Variants in MGST1 observed in about 807,000 individuals in gnomAD.
MGST1 encodes the protein microsomal glutathione S-transferase 1.
A neutral mutation model predicts 8.9 loss-of-function variants in MGST1; 5 were observed. The observed-to-expected ratio is 0.56, with a 90% CI of 0.29 to 1.19. The LOEUF (loss-of-function observed/expected upper bound fraction) is 1.19, where lower values mean the gene tolerates loss of function less well. MGST1 is among the 50% of genes most tolerant of loss of function. The pLI, the probability that MGST1 is intolerant of heterozygous loss-of-function variation, is 0.08. For missense variants in MGST1, 182 were observed against 187.4 expected (o/e 0.97, Z 0.17); for synonymous variants, 54 against 67.8 (o/e 0.80, Z 1.00).
chr12:16,561,246 G>C (rs1942394730), intron 4 of MGST1, among the ~76,000 whole-genome samples: 1 of 152,080 alleles, frequency 6.6e-6, no homozygotes, highest in South Asian at 2.1e-4. Flanking sequence ...TGACCTAAAA[G>C]AAGTACAAAA....
chr12:16,418,667 A>T (rs563384701), intron 1 of MGST1, among the ~76,000 whole-genome samples: 1 of 152,246 alleles, frequency 6.6e-6, no homozygotes, highest in South Asian at 2.1e-4. Context: ...CTGTGTTTAA[A>T]TCCCACCTTT....
intron 1 of MGST1, among the ~76,000 whole-genome samples, chr12:16,419,546 G>A (rs553165567): frequency 1.3e-5 from 2 of 152,288 alleles, no homozygotes; most frequent in African/African-American, 4.8e-5. Context: ...CTATCTGTAA[G>A]ATACTGTAGG....
At chr12:16,382,486 C>T (rs1364928170), upstream of MGST1, among the ~76,000 whole-genome samples, 3 of 152,112 alleles carry the variant, frequency 2.0e-5, no homozygotes, top group Non-Finnish European at 4.4e-5. Flanking sequence ...GCTGCCTGAT[C>T]GTTCCTCTGG....
At chr12:16,520,159 C>G (rs752583478) in intron 4 of MGST1, among the ~76,000 whole-genome samples, 26 of 152,084 alleles carry the variant, frequency 1.7e-4, no homozygotes, top group Non-Finnish European at 1.8e-4. Context: ...AAAATAGACC[C>G]TTTATTTAGT....
intron 4 of MGST1, among the ~76,000 whole-genome samples, chr12:16,583,896 A>G (rs1344810651): frequency 1.1e-4 from 16 of 152,170 alleles, no homozygotes; most frequent in Non-Finnish European, 1.8e-4. Flanking sequence ...AATTAGGAGA[A>G]AGAGACATGA....
intron 1 of MGST1, among the ~76,000 whole-genome samples, chr12:16,384,131 G>C (rs1940483278): frequency 6.6e-6 from 1 of 152,156 alleles, no homozygotes; most frequent in Non-Finnish European, 1.5e-5. Flanking sequence ...TTGGGATACT[G>C]CTGGGGTCCC....
intron 4 of MGST1, among the ~76,000 whole-genome samples, chr12:16,476,390 C>A (rs1028836213): frequency 6.6e-6 from 1 of 152,158 alleles, no homozygotes; most frequent in Non-Finnish European, 1.5e-5. Context: ...TACTTATTCC[C>A]ATGAATATTG....
chr12:16,444,700 A>G (rs187380245), intron 4 of MGST1, among the ~76,000 whole-genome samples: 78 of 152,038 alleles, frequency 5.1e-4, no homozygotes, highest in African/African-American at 1.6e-3. Context: ...AACAGTGGTG[A>G]GTGACACTTG....
At position 16,560,348 on chromosome 12, in the gene MGST1, A is replaced by G. The variant is rs1175493868; in HGVS notation, n.483-29180A>G. The G allele has an allele frequency of 4.6e-6, 7 of 1,512,590 alleles. No individual in the cohort carries two copies. The highest frequency in any genetic ancestry group is 1.4e-5 in the African/African-American group (1 of 71,332). 93.7% of individuals were successfully genotyped at this position (1,512,590 alleles called of 1,614,324 possible). On this transcript the variant is annotated intron_variant and non_coding_transcript_variant, in intron 4 of 4. Coordinates refer to the MGST1 transcript ENST00000538857. This position sits in a 1 kb window ranked among gnomAD's most constrained non-coding sequence, Gnocchi z 5.0. ...AAATGTATGAATATAATTTCCACCT[A>G]TTAAATAAATAGCCAGCACAGAGAG...
At chr12:16,442,278 C>G (rs1417513909), downstream of MGST1, among the ~76,000 whole-genome samples, 1 of 151,656 alleles carries the variant, frequency 6.6e-6, no homozygotes, top group Admixed American at 6.6e-5. This position sits in a 1 kb window ranked among gnomAD's most constrained non-coding sequence, Gnocchi z 4.5. Context: ...TTTTCATTCT[C>G]TTGACTCCTA....
At chr12:16,573,407 C>T (rs919815302) in intron 4 of MGST1, 7 of 152,164 alleles carry the variant, frequency 4.6e-5, no homozygotes, top group Non-Finnish European at 1.0e-4. Context: ...GAAAAGACAA[C>T]TTAAAAGATA....
intron 4 of MGST1, among the ~76,000 whole-genome samples, chr12:16,535,611 G>A (rs547673119): frequency 1.2e-3 from 175 of 152,150 alleles, no homozygotes; most frequent in Non-Finnish European, 1.7e-3. Context: ...AACTGCCAAT[G>A]AATTAGTAAA....
chr12:16,399,807 G>T, intron 1 of MGST1: 1 of 1,200,964 alleles, frequency 8.3e-7, no homozygotes, highest in South Asian at 1.2e-5. Context: ...GAGGCTACAA[G>T]AATGGCATTG....
chr12:16,364,163 C>T lies in MGST1; in HGVS notation c.*122C>T, dbSNP rs1476810127. 7.2e-7 allele frequency: 1 copy of T among 1,390,840 alleles called. No individual in the cohort carries two copies. Among genetic ancestry groups the T allele is most frequent in the Non-Finnish European group, 9.4e-7 (1 of 1,069,514 alleles). 86.2% of individuals were successfully genotyped at this position (1,390,840 alleles called of 1,614,324 possible). A position where few individuals can be genotyped will look rare whatever the true frequency, so the allele number is the denominator to read the frequency against. ...CAGAGGAATTATGAACTGGGGTAAA[C>T]CCATTTTGAATATTAGCATTGCCAA... is the stretch of plus-strand genomic sequence containing the variant. On this transcript the variant is annotated 3_prime_UTR_variant, in exon 4 of 4. Transcript: ENST00000396210. The surrounding 1 kb of genome is among the most constrained non-coding windows in gnomAD (Gnocchi z 5.7).
At chr12:16,446,391 A>G (rs897867809) in intron 4 of MGST1, among the ~76,000 whole-genome samples, 1 of 151,936 alleles carries the variant, frequency 6.6e-6, no homozygotes, top group Non-Finnish European at 1.5e-5. Flanking sequence ...GGTCCAGGAA[A>G]TGGAGAAATG....
At chr12:16,561,034 G>T (rs771691892) in intron 4 of MGST1, among the ~76,000 whole-genome samples, 2 of 151,990 alleles carry the variant, frequency 1.3e-5, no homozygotes. Context: ...ACATAGAGGC[G>T]CATGCATGCA....
chr12:16,367,841 T>G (rs1940219553), downstream of MGST1, among the ~76,000 whole-genome samples: 1 of 152,194 alleles, frequency 6.6e-6, no homozygotes, highest in South Asian at 2.1e-4. Context: ...AGGCCAAGTC[T>G]GATGACACAG....
chr12:16,432,466 T>C (rs1192397383), intron 1 of MGST1, among the ~76,000 whole-genome samples: 3 of 152,060 alleles, frequency 2.0e-5, no homozygotes, highest in Non-Finnish European at 4.4e-5. Context: ...ATCTAGTTTT[T>C]ATCTGCCTAG....
chr12:16,348,105 A>AT (rs1268057394), intron 1 of MGST1, among the ~76,000 whole-genome samples: 1 of 152,224 alleles, frequency 6.6e-6, no homozygotes, highest in Non-Finnish European at 1.5e-5. Context: ...CCAAGAGTGC[A>AT]AAAGCCTGCG....
Sources: allele counts gnomAD v4.1 joint callset (sites outside exome capture counted in the v4.1 genomes callset), GRCh38; gene constraint gnomAD v4.1.1; non-coding constraint Gnocchi (gnomAD v3.1); transcripts MANE v1.5; gene names NCBI Gene and HGNC (gene_info 2026-07-23, HGNC 2026-07-21).